TCF4: variants seen among roughly 807,000 people sequenced by gnomAD.
TCF4 encodes transcription factor 4.
A neutral mutation model predicts 82.1 loss-of-function variants in TCF4; 3 were observed. The ratio of observed to expected loss-of-function variants is 0.04; its 90% CI spans 0.02 to 0.09. The LOEUF is 0.09. TCF4 is among the 10% of genes least tolerant of loss of function. The pLI is 1.00. For synonymous variants in TCF4, 276 were observed against 309.6 expected (o/e 0.89, Z 1.14); for missense variants, 518 against 852.7 (o/e 0.61, Z 4.89).
intron 8 of TCF4, among the ~76,000 whole-genome samples, chr18:55,296,916 G>T (rs941252081): frequency 6.6e-6 from 1 of 152,114 alleles, no homozygotes; most frequent in Admixed American, 6.5e-5. Context: ...GAATGGGTGA[G>T]CCAAGCCATG....
chr18:55,282,682 C>T (rs1213650749), intron 8 of TCF4, among the ~76,000 whole-genome samples: 2 of 152,050 alleles, frequency 1.3e-5, no homozygotes, highest in African/African-American at 4.8e-5. Context: ...TCCCAGATCT[C>T]TTCAAAGAGT....
intron 2 of TCF4, among the ~76,000 whole-genome samples, chr18:55,595,411 T>C (rs181773783): frequency 6.6e-6 from 1 of 152,302 alleles, no homozygotes; most frequent in Non-Finnish European, 1.5e-5. Context: ...GTTCCCCCTT[T>C]AAAGGTGAGG....
At chr18:55,311,288 G>A (rs2072338910) in intron 8 of TCF4, among the ~76,000 whole-genome samples, 1 of 152,094 alleles carries the variant, frequency 6.6e-6, no homozygotes, top group African/African-American at 2.4e-5. Flanking sequence ...AATTCTTAAG[G>A]TCCAGATATA....
intron 15 of TCF4, among the ~76,000 whole-genome samples, chr18:55,252,401 G>A (rs1301796433): frequency 6.6e-6 from 1 of 151,804 alleles, no homozygotes; most frequent in Admixed American, 6.6e-5. Context: ...TCAAATTAAA[G>A]GGGTTTCTAT....
intron 15 of TCF4, among the ~76,000 whole-genome samples, chr18:55,251,962 A>C (rs1031444298): frequency 7.9e-6 from 1 of 126,462 alleles, no homozygotes; most frequent in African/African-American, 2.9e-5. Flanking sequence ...CTTCCCCTTA[A>C]ACTTCCTTTT....
At chr18:55,363,343 G>A (rs1047275545) in intron 6 of TCF4, among the ~76,000 whole-genome samples, 1 of 152,062 alleles carries the variant, frequency 6.6e-6, no homozygotes, top group Non-Finnish European at 1.5e-5. Flanking sequence ...AAAAATTTAC[G>A]TTTTTGCTTC....
chr18:55,238,711 G>C (rs1270260446), intron 15 of TCF4, among the ~76,000 whole-genome samples: 1 of 152,106 alleles, frequency 6.6e-6, no homozygotes, highest in Non-Finnish European at 1.5e-5. Context: ...CTCTCTCTGG[G>C]GGGACCTCTG....
intron 8 of TCF4, among the ~76,000 whole-genome samples, chr18:55,340,273 G>C (rs1005012088): frequency 2.6e-5 from 4 of 152,190 alleles, no homozygotes; most frequent in African/African-American, 9.7e-5. Flanking sequence ...CGATGTACCA[G>C]TTCAAAAGAG....
intron 17 of TCF4, 44 bp from the exon 18 acceptor site, chr18:55,229,120 A>G (rs2047152608): frequency 1.2e-6 from 2 of 1,600,638 alleles, no homozygotes; most frequent in Non-Finnish European, 8.6e-7. Flanking sequence ...GGTGTGGGGA[A>G]AAAGAAGGTG....
intron 8 of TCF4, among the ~76,000 whole-genome samples, chr18:55,280,208 G>C (rs533667633): frequency 5.9e-4 from 90 of 152,262 alleles, no homozygotes; most frequent in African/African-American, 2.1e-3. Context: ...GCTTTTTGCA[G>C]AGATGCATGA....
At chr18:55,239,461 G>A (rs1196433433) in intron 15 of TCF4, among the ~76,000 whole-genome samples, 2 of 152,098 alleles carry the variant, frequency 1.3e-5, no homozygotes, top group African/African-American at 2.4e-5. Context: ...GAGTTAGGGG[G>A]CAAGATGCGT....
chr18:55,603,884 G>A (rs1490383615), intron 2 of TCF4, among the ~76,000 whole-genome samples: 1 of 152,120 alleles, frequency 6.6e-6, no homozygotes, highest in African/African-American at 2.4e-5. Context: ...ATTTCTCCGA[G>A]CTCTGGGTTG....
At position 55,364,921 on chromosome 18, in the gene TCF4, G is replaced by A. The variant is rs188401425; in HGVS notation, c.370-13918C>T. On this transcript the variant is annotated intron_variant, in intron 6 of 19. Coordinates refer to ENST00000354452, the MANE Select transcript of TCF4 (RefSeq NM_001083962.2). ...CATGCCTCTAATCCCAGCACTTTGG[G>A]AACTGAGGCAGGCAGATCACAAGGT... Among the ~76,000 whole-genome samples the A allele has an allele frequency of 2.2e-3, 337 of 151,888 alleles. 1 individual carries two copies. Among genetic ancestry groups the A allele is most frequent in the Middle Eastern group, 0.017 (5 of 294 alleles).
At chr18:55,311,146 A>C (rs1268086369) in intron 8 of TCF4, among the ~76,000 whole-genome samples, 1 of 152,210 alleles carries the variant, frequency 6.6e-6, no homozygotes, top group African/African-American at 2.4e-5. Context: ...TTTTGGAAAC[A>C]AAAGAAAAAA....
At chr18:55,306,115 C>T (rs2070244853) in intron 8 of TCF4, among the ~76,000 whole-genome samples, 1 of 152,112 alleles carries the variant, frequency 6.6e-6, no homozygotes, top group African/African-American at 2.4e-5. Flanking sequence ...AAATCAACCA[C>T]TGAAATTGGG....
At chr18:55,534,457 G>A (rs2097097714) in intron 3 of TCF4, among the ~76,000 whole-genome samples, 1 of 152,184 alleles carries the variant, frequency 6.6e-6, no homozygotes. Flanking sequence ...CTTGGGAAGG[G>A]GCTCCAAGCC....
chr18:55,576,656 T>C (rs960967882), intron 3 of TCF4, among the ~76,000 whole-genome samples: 11 of 152,334 alleles, frequency 7.2e-5, no homozygotes, highest in Admixed American at 2.6e-4. Context: ...AGGATTAGAA[T>C]TGAGTTTTCC....
At chr18:55,502,885 T>C (rs948373118) in intron 3 of TCF4, among the ~76,000 whole-genome samples, 1 of 152,202 alleles carries the variant, frequency 6.6e-6, no homozygotes, top group Non-Finnish European at 1.5e-5. Context: ...ATTAACTTCA[T>C]CTTAATCGAC....
Position 55,455,155 on chromosome 18 carries a change from G to A in TCF4, c.304+5864C>T, listed in dbSNP as rs2095711612. Reference sequence around the variant, plus strand: ...AGATCATCCTACTGAACTCCAGTCTGGGCAACAGAGAGAGACTCTGTCTCA... The same window carrying A: ...AGATCATCCTACTGAACTCCAGTCTAGGCAACAGAGAGAGACTCTGTCTCA... On this transcript the variant is annotated intron_variant, in intron 5 of 19. Transcript: ENST00000354452. Among the ~76,000 whole-genome samples, 10 of 141,440 alleles carry A rather than the reference G, an allele frequency of 7.1e-5. No homozygotes were observed. The South Asian group carries it at 2.3e-3, about 33-fold the overall frequency. The allele number at this position is 141,440 out of a possible 152,430, so 92.8% of individuals were successfully genotyped here.
Sources: gnomAD v4.1 joint callset for allele counts (sites outside exome capture counted in the v4.1 genomes callset) on GRCh38, gnomAD v4.1.1 for gene constraint, MANE v1.5 for transcripts, NCBI Gene and HGNC (gene_info 2026-07-23, HGNC 2026-07-21) for gene names.